The following ACBD6 variants were observed in gnomAD, a reference collection of about 807,000 sequenced individuals.
The protein encoded by ACBD6 is acyl-CoA binding domain containing 6.
Under a neutral mutation model 37.2 loss-of-function variants are expected in ACBD6, and 28 were observed. That is an observed-to-expected ratio of 0.75 (90% CI 0.56 to 1.03). The LOEUF (loss-of-function observed/expected upper bound fraction) is 1.03. ACBD6 is among the 50% of genes least tolerant of loss of function. The probability of loss-of-function intolerance (pLI) is 0.00; values close to 1 mark genes in which losing one functional copy is unlikely to be tolerated. For missense variants in ACBD6, 340 were observed against 337.4 expected, an observed-to-expected ratio of 1.01 and a Z score of -0.06; for synonymous variants, 113 against 126.8, an observed-to-expected ratio of 0.89 and a Z score of 0.73.
At chr1:180,432,619 TACACCCATAAAATAGGATATTATTCAGCA>T (rs1212030819) in intron 3 of ACBD6, among the ~76,000 whole-genome samples, 2 of 152,090 alleles carry the variant, frequency 1.3e-5, no homozygotes, top group African/African-American at 4.8e-5. Flanking sequence ...AAGCAAATGA[TACACCCATAAAATAGGATATTATTCAGCA>T]ACACAAAGAA....
chr1:180,272,496 A>C (rs998544687), intron 13 of ACBD6: 1 of 155,238 alleles, frequency 6.4e-6, no homozygotes, highest in African/African-American at 2.4e-5. Context: ...TGAGATGGGG[A>C]ACTGGCTTCA....
intron 6 of ACBD6, among the ~76,000 whole-genome samples, chr1:180,347,360 GTTTTTTTTT>G (rs775301259): frequency 4.1e-5 from 2 of 49,074 alleles, no homozygotes; most frequent in Admixed American, 5.2e-4. Context: ...TCAACAGAAA[GTTTTTTTTT>G]TTTTTTTTTT....
At chr1:180,463,536 C>T (rs550513941) in intron 3 of ACBD6, among the ~76,000 whole-genome samples, 6 of 152,088 alleles carry the variant, frequency 3.9e-5, no homozygotes, top group African/African-American at 1.2e-4. Context: ...AGACGAATAA[C>T]GAGCTCTGAA....
intron 1 of ACBD6, among the ~76,000 whole-genome samples, chr1:180,499,454 C>T (rs1038009931): frequency 3.3e-5 from 5 of 152,312 alleles, no homozygotes; most frequent in Admixed American, 2.6e-4. Flanking sequence ...GACATCCCTC[C>T]TTCATATTAT....
At chr1:180,351,782 G>A (rs1453864647) in intron 6 of ACBD6, among the ~76,000 whole-genome samples, 1 of 152,090 alleles carries the variant, frequency 6.6e-6, no homozygotes, top group Admixed American at 6.6e-5. Flanking sequence ...AAATTAAACA[G>A]AGAATGATCC....
At chr1:180,408,208 G>A (rs1157866417) in intron 5 of ACBD6, among the ~76,000 whole-genome samples, 1 of 152,142 alleles carries the variant, frequency 6.6e-6, no homozygotes, top group Non-Finnish European at 1.5e-5. Flanking sequence ...ATACACACAA[G>A]TACAATCCAC....
intron 3 of ACBD6, chr1:180,435,113 G>A: frequency 1.3e-6 from 1 of 745,590 alleles, no homozygotes; most frequent in Non-Finnish European, 2.5e-6. Flanking sequence ...CTAACACTGG[G>A]GAAAAAAAAG....
chr1:180,272,864 T>C (rs541203452), intron 12 of ACBD6: 1 of 152,336 alleles, frequency 6.6e-6, no homozygotes, highest in East Asian at 1.9e-4. Flanking sequence ...CAACTGTGGA[T>C]GTGCTTGGGG....
At chr1:180,270,951 GA>G (rs1222236486) in exon 14 of ACBD6, 7 of 297,710 alleles carry the variant, frequency 2.4e-5, no homozygotes, top group Non-Finnish European at 4.0e-5. Context: ...GACTCCTGAT[GA>G]GACAGAGGGG....
intron 6 of ACBD6, among the ~76,000 whole-genome samples, chr1:180,329,065 C>A (rs1348881989): frequency 2.6e-5 from 4 of 152,154 alleles, no homozygotes. Flanking sequence ...TTATTTCTAA[C>A]ACATCTTACT....
chr1:180,356,994 A>T (rs6659147), intron 6 of ACBD6, among the ~76,000 whole-genome samples: 23 of 151,962 alleles, frequency 1.5e-4, no homozygotes, highest in African/African-American at 4.1e-4. Flanking sequence ...CAGGAAGAGA[A>T]GATTACATTA....
At chr1:180,498,317 G>A (rs1651814003) in intron 1 of ACBD6, among the ~76,000 whole-genome samples, 1 of 152,164 alleles carries the variant, frequency 6.6e-6, no homozygotes, top group Non-Finnish European at 1.5e-5. Context: ...TGAAGTGACA[G>A]GCTTATTTCG....
At chr1:180,364,038 T>G (rs1652947711) in intron 6 of ACBD6, among the ~76,000 whole-genome samples, 1 of 152,186 alleles carries the variant, frequency 6.6e-6, no homozygotes, top group Non-Finnish European at 1.5e-5. Context: ...TTTTTCCTGC[T>G]TTTTCTTTAC....
intron 6 of ACBD6, among the ~76,000 whole-genome samples, chr1:180,352,438 C>T (rs1652454838): frequency 6.6e-6 from 1 of 152,040 alleles, no homozygotes; most frequent in Non-Finnish European, 1.5e-5. Context: ...GATCCACTCG[C>T]CTCAGCCTCC....
chr1:180,459,514 T>C (rs1203654809), intron 3 of ACBD6, among the ~76,000 whole-genome samples: 1 of 152,220 alleles, frequency 6.6e-6, no homozygotes, highest in East Asian at 1.9e-4. Context: ...GTGACAATTA[T>C]AGTCCAAGTA....
At chr1:180,417,201 T>C (rs142975878) in intron 4 of ACBD6, among the ~76,000 whole-genome samples, 17 of 152,292 alleles carry the variant, frequency 1.1e-4, no homozygotes, top group African/African-American at 3.8e-4. Flanking sequence ...CTCTTCATCT[T>C]CTAGATAAAT....
chr1:180,321,444 T>G (rs763802793), intron 6 of ACBD6, among the ~76,000 whole-genome samples: 1 of 152,236 alleles, frequency 6.6e-6, no homozygotes, highest in African/African-American at 2.4e-5. Flanking sequence ...TTTCCACCTT[T>G]GTGTGTTCCC....
At chr1:180,316,008 A>C (rs1208154822) in intron 6 of ACBD6, among the ~76,000 whole-genome samples, 2 of 152,112 alleles carry the variant, frequency 1.3e-5, no homozygotes, top group Non-Finnish European at 2.9e-5. Flanking sequence ...AAAAGTCAGG[A>C]AACACAAGAG....
chr1:180,501,247 G>A (rs1412063468), intron 1 of ACBD6, among the ~76,000 whole-genome samples: 1 of 152,156 alleles, frequency 6.6e-6, no homozygotes, highest in Non-Finnish European at 1.5e-5. Flanking sequence ...AAACAGAAAG[G>A]AAGACATACT....
Sources: gnomAD v4.1 joint callset for allele counts (sites outside exome capture counted in the v4.1 genomes callset) on GRCh38, gnomAD v4.1.1 for gene constraint, MANE v1.5 for transcripts, NCBI Gene and HGNC (gene_info 2026-07-23, HGNC 2026-07-21) for gene names.